Variants in ADD2 observed in about 807,000 individuals in gnomAD.
ADD2 encodes the protein beta-adducin.
A neutral mutation model predicts 83.0 loss-of-function variants in ADD2; 23 were observed. That is an observed-to-expected ratio of 0.28 (90% CI 0.20 to 0.39). The LOEUF is 0.39. Ranked by LOEUF, ADD2 falls within the 10% of genes least tolerant of loss-of-function variation. ADD2 has a pLI of 1.00. For missense variants in ADD2, 758 were observed against 944.9 expected (o/e 0.80, Z 2.59); for synonymous variants, 375 against 375.4 (o/e 1.00, Z 0.01).
chr2:70,725,610 G>A lies in ADD2; in HGVS notation c.-153-12426C>T, dbSNP rs192729254. Among the ~76,000 whole-genome samples the A allele has an allele frequency of 2.3e-3, 356 of 152,186 alleles. 2 individuals carry two copies. Among genetic ancestry groups the A allele is most frequent in the African/African-American group, 8.2e-3 (341 of 41,502 alleles). On this transcript the variant is annotated intron_variant, in intron 1 of 15. Coordinates refer to ENST00000264436, the MANE Select transcript of ADD2 (RefSeq NM_001617.4). ...AGGAGATGGCCCTGTGAAGATGGAG[G>A]CAGAGATTGGAGTGAGGCAGCCACA... is the stretch of plus-strand genomic sequence containing the variant.
At chr2:70,711,225 C>G (rs1336231614) in intron 2 of ADD2, 1 of 152,138 alleles carries the variant, frequency 6.6e-6, no homozygotes, top group African/African-American at 2.4e-5. Context: ...GTTCCTGGCA[C>G]AGAGTTTCAA....
chr2:70,695,587 G>GTCTTC, intron 6 of ADD2, 134 bp downstream of exon 6: 1 of 760,534 alleles, frequency 1.3e-6, no homozygotes, highest in Non-Finnish European at 2.2e-6. Context: ...TGTTCCATGT[G>GTCTTC]TCTTCTCTGC....
chr2:70,726,186 C>CAAAAAAAAAAAAAAAA (rs34333514), intron 1 of ADD2, among the ~76,000 whole-genome samples: 1 of 45,486 alleles, frequency 2.2e-5, no homozygotes, highest in Non-Finnish European at 4.2e-5. Context: ...GACTCCATCT[C>CAAAAAAAAAAAAAAAA]AAAAAAAAAA....
chr2:70,735,088 T>G (rs1673464769), intron 1 of ADD2, among the ~76,000 whole-genome samples: 1 of 152,220 alleles, frequency 6.6e-6, no homozygotes, highest in South Asian at 2.1e-4. Flanking sequence ...AGTTCGATTT[T>G]CACTTTTCCT....
chr2:70,704,263 T>TTGCCC, intron 4 of ADD2, 58 bp downstream of exon 4: 4 of 913,238 alleles, frequency 4.4e-6, no homozygotes, highest in Non-Finnish European at 6.8e-6. Flanking sequence ...CTCCCTCTCT[T>TTGCCC]CCCCACCCCA....
chr2:70,705,727 G>A (rs1045567478), intron 3 of ADD2, among the ~76,000 whole-genome samples: 2 of 152,166 alleles, frequency 1.3e-5, no homozygotes, highest in East Asian at 1.9e-4. Flanking sequence ...CAGCCCGGCT[G>A]AGCCCTCCAC....
chr2:70,678,900 C>T lies in ADD2; in HGVS notation c.1187G>A (p.Ser396Asn). Residue 396 changes from serine (S) to asparagine (N), a missense_variant, in exon 11 of 16, where the codon AGT (serine) becomes AAT (asparagine). Physicochemically the swap from Ser to Asn is conservative, Grantham distance 46. Coordinates refer to ENST00000264436, the MANE Select transcript of ADD2 (RefSeq NM_001617.4). ...PFVQEKTKHK[S>N]EVEIPATVTA... ...GACCGTGGCTGGAATCTCCACCTCA[C>T]TTTTGTGTTTGGTTTTCTCTTGAAC... The T allele has an allele frequency of 1.2e-6, 2 of 1,614,208 alleles. No individual in the cohort carries two copies. Among genetic ancestry groups the T allele is most frequent in the Non-Finnish European group, 1.7e-6 (2 of 1,180,042 alleles).
intron 6 of ADD2, among the ~76,000 whole-genome samples, 160 bp from the exon 7 acceptor site, chr2:70,692,712 C>T (rs1235206918): frequency 6.6e-6 from 1 of 151,160 alleles, no homozygotes; most frequent in African/African-American, 2.4e-5. Flanking sequence ...CAAACCAGTT[C>T]CTGCCCTCAG....
chr2:70,759,665 G>A (rs138362719), intron 1 of ADD2, among the ~76,000 whole-genome samples: 1 of 152,218 alleles, frequency 6.6e-6, no homozygotes, highest in Non-Finnish European at 1.5e-5. Flanking sequence ...CTTGCCATGT[G>A]ATCTCTGCAC....
chr2:70,692,227 T>G (rs1188939014), intron 7 of ADD2, among the ~76,000 whole-genome samples, 176 bp downstream of exon 7: 8 of 152,236 alleles, frequency 5.3e-5, no homozygotes, highest in African/African-American at 1.9e-4. Context: ...CTTCACGTTA[T>G]GCTATGACTT....
At chr2:70,719,030 G>A (rs1553376897) in intron 1 of ADD2, among the ~76,000 whole-genome samples, 3 of 152,176 alleles carry the variant, frequency 2.0e-5, no homozygotes, top group African/African-American at 7.2e-5. Context: ...GCACAGAAAT[G>A]GGGATTAGGA....
chr2:70,703,460 T>G (rs1252182438), intron 4 of ADD2, among the ~76,000 whole-genome samples: 3 of 152,166 alleles, frequency 2.0e-5, no homozygotes, highest in Non-Finnish European at 2.9e-5. Flanking sequence ...TTGGATCCAT[T>G]TGGAGAAAGG....
chr2:70,675,637 G>A (rs1214234977), intron 13 of ADD2: 1 of 985,316 alleles, frequency 1.0e-6, no homozygotes, highest in East Asian at 1.1e-4. Context: ...AAGCTGAGGA[G>A]CAAAGAGAGT....
chr2:70,738,485 C>T (rs2104491105), intron 1 of ADD2, among the ~76,000 whole-genome samples: 1 of 152,254 alleles, frequency 6.6e-6, no homozygotes, highest in South Asian at 2.1e-4. Flanking sequence ...AGCTTTATTC[C>T]ACCCTCACTG....
intron 1 of ADD2, among the ~76,000 whole-genome samples, chr2:70,716,130 G>GT (rs1672454895): frequency 6.6e-6 from 1 of 152,020 alleles, no homozygotes; most frequent in Admixed American, 6.5e-5. Flanking sequence ...AATATAAAGT[G>GT]TTAAATCCAA....
chr2:70,747,089 T>G (rs1416145452), intron 1 of ADD2, among the ~76,000 whole-genome samples: 2 of 148,724 alleles, frequency 1.3e-5, no homozygotes, highest in Non-Finnish European at 3.0e-5. Context: ...TGGCTCACTG[T>G]AAGCTCCGCC....
At chr2:70,747,843 C>T (rs1553382303) in intron 1 of ADD2, among the ~76,000 whole-genome samples, 1 of 152,148 alleles carries the variant, frequency 6.6e-6, no homozygotes, top group African/African-American at 2.4e-5. Flanking sequence ...CAAATTGTTT[C>T]CTTTGCACTC....
At chr2:70,752,376 G>A (rs909539705) in intron 1 of ADD2, among the ~76,000 whole-genome samples, 5 of 152,116 alleles carry the variant, frequency 3.3e-5, no homozygotes, top group African/African-American at 1.2e-4. Flanking sequence ...TCCAAGAAAT[G>A]AGAATAATAA....
Position 70,714,668 on chromosome 2 carries a change from C to T in ADD2, c.-153-1484G>A, listed in dbSNP as rs139111937. 4.7e-3 allele frequency among the ~76,000 whole-genome samples: 713 copies of T among 152,304 alleles called. 5 individuals carry two copies. The highest frequency in any genetic ancestry group is 0.016 in the African/African-American group (667 of 41,566). The stretch of plus-strand genomic sequence containing the variant: ...TTTAGCTAGAACAGGGTCCTAGCCA[C>T]CACTTGATGCTGCCTTTCTCCAATG... On this transcript the variant is annotated intron_variant, in intron 1 of 15. Coordinates refer to ENST00000264436, the MANE Select transcript of ADD2 (RefSeq NM_001617.4).
Sources: allele counts gnomAD v4.1 joint callset (sites outside exome capture counted in the v4.1 genomes callset), GRCh38; gene constraint gnomAD v4.1.1; transcripts MANE v1.5; gene names NCBI Gene and HGNC (gene_info 2026-07-23, HGNC 2026-07-21).